RRM2B: variants seen among roughly 807,000 people sequenced by gnomAD.
RRM2B encodes the protein ribonucleotide reductase regulatory TP53 inducible subunit M2B.
Under a neutral mutation model 45.9 loss-of-function variants are expected in RRM2B, and 20 were observed. The observed-to-expected ratio is 0.44, with a 90% CI of 0.31 to 0.63. The LOEUF (loss-of-function observed/expected upper bound fraction) is 0.63. Among genes scored for constraint, RRM2B ranks in the 30% least tolerant of loss-of-function variants. The pLI, the probability that RRM2B is intolerant of heterozygous loss-of-function variation, is 0.09. For synonymous variants in RRM2B, 124 were observed against 132.3 expected, an observed-to-expected ratio of 0.94 and a Z score of 0.43; for missense variants, 320 against 414.7, an observed-to-expected ratio of 0.77 and a Z score of 1.98.
chr8:102,232,574 T>A (rs1241574526), intron 1 of RRM2B, among the ~76,000 whole-genome samples: 2 of 152,208 alleles, frequency 1.3e-5, no homozygotes, highest in East Asian at 3.8e-4. Flanking sequence ...TAAAAGTGCT[T>A]TAAACAAAGC....
chr8:102,208,400 C>T (rs1407674521), intron 8 of RRM2B, 115 bp from the exon 9 acceptor site: 6 of 784,390 alleles, frequency 7.6e-6, no homozygotes, highest in Non-Finnish European at 1.3e-5. Context: ...TAGTCAGCTA[C>T]AAGATCATAT....
Position 102,236,973 on chromosome 8 carries a change from CTT to C in RRM2B, c.48+1852_48+1853del, listed in dbSNP as rs28999673. Among the ~76,000 whole-genome samples, 1,349 of 151,982 alleles carry C rather than the reference CTT, an allele frequency of 8.9e-3. 9 individuals are homozygous for C. Among genetic ancestry groups the C allele is most frequent in the Admixed American group, 0.014 (210 of 15,288 alleles). On this transcript the variant is annotated intron_variant, in intron 1 of 8. Coordinates refer to ENST00000251810, the MANE Select transcript of RRM2B (RefSeq NM_015713.5). ...AGCCCCAATTCCACCACTTCCGTTT[CTT>C]TGCCTTTATGTCTCTTCTACTTCTG...
At chr8:102,218,173 C>T (rs1031717915) in intron 6 of RRM2B, among the ~76,000 whole-genome samples, 7 of 152,076 alleles carry the variant, frequency 4.6e-5, no homozygotes, top group African/African-American at 1.2e-4. Context: ...GGTAGGTTTT[C>T]GGAGTTATGA....
At chr8:102,230,531 A>G (rs886086467) in intron 2 of RRM2B, among the ~76,000 whole-genome samples, 1 of 152,190 alleles carries the variant, frequency 6.6e-6, no homozygotes. Context: ...CTTTCTAAAA[A>G]CCACAGACAG....
At chr8:102,227,036 T>TG (rs1810944085) in intron 2 of RRM2B, among the ~76,000 whole-genome samples, 1 of 151,878 alleles carries the variant, frequency 6.6e-6, no homozygotes, top group African/African-American at 2.4e-5. Context: ...TTTAAAGAGA[T>TG]GGGGTCTCAC....
chr8:102,238,160 T>C (rs1373199258), intron 1 of RRM2B, among the ~76,000 whole-genome samples: 1 of 152,256 alleles, frequency 6.6e-6, no homozygotes, highest in Non-Finnish European at 1.5e-5. Flanking sequence ...CTTGGGCTTA[T>C]TAAGCACCTA....
rs779156373 is a variant in RRM2B at position 102,238,861 on chromosome 8, T to G, written c.14A>C (p.Glu5Ala). The change falls in exon 1 of 9, where the codon GAA (glutamate) becomes GCA (alanine). Residue 5 changes from glutamate to alanine, a missense_variant. Coordinates refer to ENST00000251810, the MANE Select transcript of RRM2B (RefSeq NM_015713.5). MGDP[E>A]RPEAAGLDQD... is the part of the protein sequence containing the mutation. ...ATCCAGCCCGGCCGCTTCCGGCCTTTCCGGGTCGCCCATCGCGCAGACTCC... is the reference window on the plus strand; with the variant it reads ...ATCCAGCCCGGCCGCTTCCGGCCTTGCCGGGTCGCCCATCGCGCAGACTCC... 6.2e-7 allele frequency: 1 copy of G among 1,612,772 alleles called. No homozygotes were observed. Among genetic ancestry groups the G allele is most frequent in the South Asian group, 1.1e-5 (1 of 91,084 alleles).
intron 5 of RRM2B, among the ~76,000 whole-genome samples, chr8:102,220,665 G>T (rs1176970163): frequency 6.6e-6 from 1 of 152,148 alleles, no homozygotes; most frequent in Non-Finnish European, 1.5e-5. Context: ...TTGAACTTCT[G>T]GCTCAAGCCA....
At chr8:102,225,401 T>G (rs1442484290) in intron 3 of RRM2B, among the ~76,000 whole-genome samples, 1 of 152,012 alleles carries the variant, frequency 6.6e-6, no homozygotes, top group Non-Finnish European at 1.5e-5. Flanking sequence ...GCCCAGCTAA[T>G]TTTTGTATTT....
rs1214103617 is a variant in RRM2B at position 102,232,133 on chromosome 8, A to C, written c.204+16T>G. 6.2e-7 allele frequency: 1 copy of C among 1,612,690 alleles called. No homozygotes were observed. Among genetic ancestry groups the C allele is most frequent in the Non-Finnish European group, 8.5e-7 (1 of 1,178,664 alleles). ...CACTATAGGATGTGAATGCTCTTGG[A>C]GGCAATGCCACGTACCTCTTCTGCT... On this transcript the variant is annotated intron_variant, in intron 2 of 8. Coordinates refer to ENST00000251810, the MANE Select transcript of RRM2B (RefSeq NM_015713.5).
At chr8:102,222,168 T>C (rs1402405945) in intron 5 of RRM2B, among the ~76,000 whole-genome samples, 2 of 151,828 alleles carry the variant, frequency 1.3e-5, no homozygotes, top group Non-Finnish European at 2.9e-5. Context: ...CTCAAACACC[T>C]GGGCTTAAGT....
chr8:102,225,754 T>C (rs550791766), intron 3 of RRM2B, among the ~76,000 whole-genome samples, 164 bp downstream of exon 3: 1 of 152,352 alleles, frequency 6.6e-6, no homozygotes, highest in East Asian at 1.9e-4. Flanking sequence ...AATAGTTTGC[T>C]GGTCAAAGGA....
At position 102,225,103 on chromosome 8, in the gene RRM2B, C is replaced by T. The variant is rs1330642523; in HGVS notation, c.322-85G>A. 7.1e-6 allele frequency: 10 copies of T among 1,413,632 alleles called. No homozygotes were observed. The Admixed American group carries it at 1.4e-4, about 20-fold the overall frequency. The allele number at this position is 1,413,632 out of a possible 1,614,324, so 87.6% of individuals were successfully genotyped here. A position where few individuals can be genotyped will look rare whatever the true frequency, so the allele number is the denominator to read the frequency against. On this transcript the variant is annotated intron_variant, in intron 3 of 8. Transcript: ENST00000251810. Reference sequence around the variant, plus strand: ...ATCAGAATCTGGACATCAGCATTATCGCTTAAAAACTGCCTGTCATGTAAC... The same window carrying T: ...ATCAGAATCTGGACATCAGCATTATTGCTTAAAAACTGCCTGTCATGTAAC...
At chr8:102,232,087 G>C (rs796990023) in intron 2 of RRM2B, 62 bp downstream of exon 2, 3 of 1,452,722 alleles carry the variant, frequency 2.1e-6, no homozygotes, top group African/African-American at 2.8e-5. Flanking sequence ...TCAATATCCT[G>C]TAAAACAAGA....
chr8:102,225,802 T>A (rs1042853253), intron 3 of RRM2B, 116 bp downstream of exon 3: 27 of 732,138 alleles, frequency 3.7e-5, no homozygotes, highest in Non-Finnish European at 6.8e-5. Flanking sequence ...AGAGTTAAGC[T>A]TCATCTAGTT....
chr8:102,229,452 T>C (rs1810991054), intron 2 of RRM2B, among the ~76,000 whole-genome samples: 1 of 152,266 alleles, frequency 6.6e-6, no homozygotes, highest in African/African-American at 2.4e-5. Flanking sequence ...GCACTGGGGA[T>C]ACAACGGAGC....
At chr8:102,218,737 A>T in intron 6 of RRM2B, 77 bp downstream of exon 6, 1 of 1,330,366 alleles carries the variant, frequency 7.5e-7, no homozygotes. Context: ...AAAAAAAAAA[A>T]AAAAAGATGG....
rs972744943 is a variant in RRM2B, at chr8:102,205,438, C to G, written c.*2695G>C. ...AAAATTTCATGTATTAATATCAAGA[C>G]AAGGCTGGGGCCAGCTTAGTTGTAA... is the stretch of plus-strand genomic sequence containing the variant. On this transcript the variant is annotated 3_prime_UTR_variant, in exon 9 of 9. Coordinates refer to ENST00000251810, the MANE Select transcript of RRM2B (RefSeq NM_015713.5). 6.6e-6 allele frequency: 1 copy of G among 152,052 alleles called. No homozygotes were observed. The highest frequency in any genetic ancestry group is 2.4e-5 in the African/African-American group (1 of 41,428). 9.4% of individuals were successfully genotyped at this position (152,052 alleles called of 1,614,324 possible).
chr8:102,229,182 G>A (rs1810985362), intron 2 of RRM2B, among the ~76,000 whole-genome samples: 1 of 152,160 alleles, frequency 6.6e-6, no homozygotes, highest in African/African-American at 2.4e-5. Context: ...GAACCCAGGA[G>A]GAGGAGGTTG....
Sources: allele counts gnomAD v4.1 joint callset (sites outside exome capture counted in the v4.1 genomes callset), GRCh38; gene constraint gnomAD v4.1.1; transcripts MANE v1.5; gene names NCBI Gene and HGNC (gene_info 2026-07-23, HGNC 2026-07-21).